PLXDC2: variants seen among roughly 807,000 people sequenced by gnomAD.
The protein encoded by PLXDC2 is plexin domain-containing protein 2.
In PLXDC2, 40 loss-of-function variants were observed where a neutral mutation model predicts 68.9. The ratio of observed to expected loss-of-function variants is 0.58; its 90% CI spans 0.45 to 0.76. The LOEUF (loss-of-function observed/expected upper bound fraction) is 0.76, where lower values mean the gene tolerates loss of function less well. Among genes scored for constraint, PLXDC2 ranks in the 30% least tolerant of loss-of-function variants. PLXDC2 has a pLI of 0.00. For missense variants in PLXDC2, 644 were observed against 661.9 expected (o/e 0.97, Z 0.30); for synonymous variants, 243 against 234.2 (o/e 1.04, Z -0.34).
At chr10:19,973,645 G>A (rs1420692290) in intron 1 of PLXDC2, among the ~76,000 whole-genome samples, 1 of 152,146 alleles carries the variant, frequency 6.6e-6, no homozygotes, top group East Asian at 1.9e-4. Context: ...AGTTTTGCCA[G>A]TACAGGAAAA....
chr10:19,918,148 C>T (rs917034945), intron 1 of PLXDC2, among the ~76,000 whole-genome samples: 1 of 152,166 alleles, frequency 6.6e-6, no homozygotes, highest in Non-Finnish European at 1.5e-5. Flanking sequence ...AAGAGCTGAG[C>T]AGGTCAGATA....
intron 1 of PLXDC2, among the ~76,000 whole-genome samples, chr10:19,825,772 T>C (rs899946535): frequency 7.2e-5 from 11 of 152,238 alleles, no homozygotes; most frequent in African/African-American, 2.7e-4. Flanking sequence ...ATGCTGAATC[T>C]ATTATATCTA....
intron 1 of PLXDC2, among the ~76,000 whole-genome samples, chr10:19,948,703 A>G (rs1833944934): frequency 6.6e-6 from 1 of 151,480 alleles, no homozygotes; most frequent in African/African-American, 2.4e-5. Flanking sequence ...AACCTCTCCA[A>G]CCCTCTCTTT....
chr10:19,994,407 C>T (rs1461380464), intron 1 of PLXDC2, among the ~76,000 whole-genome samples: 1 of 145,290 alleles, frequency 6.9e-6, no homozygotes, highest in Non-Finnish European at 1.5e-5. Flanking sequence ...TGGCTCACTG[C>T]AGCCTTGTCT....
intron 4 of PLXDC2, among the ~76,000 whole-genome samples, chr10:20,116,271 G>A (rs1263216762): frequency 6.6e-6 from 1 of 152,172 alleles, no homozygotes; most frequent in Non-Finnish European, 1.5e-5. Flanking sequence ...TTCCCCCCCG[G>A]AAAACAGTAA....
intron 4 of PLXDC2, 99 bp downstream of exon 4, chr10:20,068,338 A>G (rs75861169): frequency 0.038 from 39,353 of 1,043,854 alleles, 924 homozygotes; most frequent in South Asian, 0.076. Flanking sequence ...ATTTATTGAG[A>G]AAACCATTGT....
chr10:20,130,280 G>A (rs1393783987), intron 4 of PLXDC2, among the ~76,000 whole-genome samples: 2 of 152,030 alleles, frequency 1.3e-5, no homozygotes, highest in African/African-American at 4.8e-5. Context: ...TTGTATGTGA[G>A]AGTGTTAATT....
rs1554781439 is a variant in PLXDC2 at position 20,287,979 on chromosome 10, C to CCG, written c.*8160_*8161insCG. Reference sequence around the variant, plus strand: ...AGAAGAAATTGGGCACTTCTTGCGGCGGGGGAGGGGGGGGGGGCGGTGGCT... The same window carrying CCG: ...AGAAGAAATTGGGCACTTCTTGCGGCCGGGGGGAGGGGGGGGGGGCGGTGGCT... On this transcript the variant is annotated 3_prime_UTR_variant, in exon 14 of 14. Transcript: ENST00000377252. The CCG allele has an allele frequency of 4.8e-4, 6 of 12,396 alleles. No individual in the cohort carries two copies. The highest frequency in any genetic ancestry group is 1.0e-3 in the African/African-American group (3 of 2,990). The allele number at this position is 12,396 out of a possible 1,614,324, so 0.8% of individuals were successfully genotyped here.
At chr10:20,201,188 T>C (rs369468902) in intron 9 of PLXDC2, among the ~76,000 whole-genome samples, 17 of 152,088 alleles carry the variant, frequency 1.1e-4, no homozygotes, top group African/African-American at 4.1e-4. Context: ...CACAATAGAA[T>C]ACTGTTCAGC....
chr10:20,092,323 A>G (rs1160823872), intron 4 of PLXDC2, among the ~76,000 whole-genome samples: 1 of 152,196 alleles, frequency 6.6e-6, no homozygotes, highest in Non-Finnish European at 1.5e-5. Flanking sequence ...CACTGATGGA[A>G]CAGTTAACGT....
chr10:19,820,640 C>CAAAAAAA (rs5783700), intron 1 of PLXDC2, among the ~76,000 whole-genome samples: 1 of 127,278 alleles, frequency 7.9e-6, no homozygotes, highest in Non-Finnish European at 1.7e-5. Context: ...GACTCCGTCT[C>CAAAAAAA]AAAAAAAAAA....
At chr10:20,120,912 G>A (rs539778180) in intron 4 of PLXDC2, among the ~76,000 whole-genome samples, 3 of 152,244 alleles carry the variant, frequency 2.0e-5, no homozygotes, top group East Asian at 1.9e-4. Flanking sequence ...TGATGGAACC[G>A]CCATCAATAA....
chr10:20,215,464 AGGGAGGCAGTCCCTCTTCT>A (rs1304350543), intron 10 of PLXDC2, among the ~76,000 whole-genome samples: 2 of 151,992 alleles, frequency 1.3e-5, no homozygotes, highest in African/African-American at 4.8e-5. Flanking sequence ...TGGGGAGAAG[AGGGAGGCAGTCCCTCTTCT>A]GGGACTGCCT....
chr10:20,049,588 G>A (rs114468045), intron 3 of PLXDC2, among the ~76,000 whole-genome samples: 1,943 of 151,556 alleles, frequency 0.013, 49 homozygotes, highest in African/African-American at 0.045. Context: ...GAGTCAAATC[G>A]GGAAGGCAAT....
intron 4 of PLXDC2, among the ~76,000 whole-genome samples, chr10:20,100,489 G>A (rs931070153): frequency 1.3e-5 from 2 of 152,128 alleles, no homozygotes; most frequent in African/African-American, 4.8e-5. Flanking sequence ...TGAACATTGT[G>A]TTGTCATCAG....
chr10:20,272,072 C>A lies in PLXDC2; in HGVS notation c.1474-7631C>A, dbSNP rs183165633. ...AAAGTGGCCAATAGTGGGAAGGGTGCAGGGCTGCTGGTGTCAGAGCAAGAG... is the reference window on the plus strand; with the variant it reads ...AAAGTGGCCAATAGTGGGAAGGGTGAAGGGCTGCTGGTGTCAGAGCAAGAG... On this transcript the variant is annotated intron_variant, in intron 13 of 13. Transcript: ENST00000377252. 2.0e-4 allele frequency among the ~76,000 whole-genome samples: 31 copies of A among 152,170 alleles called. No homozygotes were observed. In the East Asian group the frequency reaches 3.3e-3, roughly 16 times the overall value.
At chr10:19,999,404 T>C (rs533696446) in intron 1 of PLXDC2, among the ~76,000 whole-genome samples, 61 of 149,956 alleles carry the variant, frequency 4.1e-4, no homozygotes, top group African/African-American at 1.4e-3. Flanking sequence ...TTTTTTTTTC[T>C]GATTTACATT....
chr10:19,962,204 A>G (rs1251110125), intron 1 of PLXDC2, among the ~76,000 whole-genome samples: 1 of 152,092 alleles, frequency 6.6e-6, no homozygotes, highest in African/African-American at 2.4e-5. Context: ...AGTTTAGAGC[A>G]CTTAGATGAT....
chr10:20,025,720 G>A (rs984179914), intron 2 of PLXDC2, among the ~76,000 whole-genome samples: 8 of 151,970 alleles, frequency 5.3e-5, no homozygotes, highest in Middle Eastern at 3.4e-3. Flanking sequence ...CAAGTCTTTT[G>A]CCCATTTTTA....
Sources: gnomAD v4.1 joint callset for allele counts (sites outside exome capture counted in the v4.1 genomes callset) on GRCh38, gnomAD v4.1.1 for gene constraint, MANE v1.5 for transcripts, NCBI Gene and HGNC (gene_info 2026-07-23, HGNC 2026-07-21) for gene names.